CSGALNACT1: variants seen among roughly 807,000 people sequenced by gnomAD.
CSGALNACT1 encodes the protein chondroitin sulfate N-acetylgalactosaminyltransferase 1.
Under a neutral mutation model 51.0 loss-of-function variants are expected in CSGALNACT1, and 52 were observed. The observed-to-expected ratio is 1.02, with a 90% CI of 0.82 to 1.29. The LOEUF (loss-of-function observed/expected upper bound fraction) is 1.29, where lower values mean the gene tolerates loss of function less well. Ranked by LOEUF, CSGALNACT1 falls within the 50% of genes most tolerant of loss-of-function variation. The pLI is 0.00. For synonymous variants in CSGALNACT1, 341 were observed against 254.4 expected (o/e 1.34, Z -3.24); for missense variants, 935 against 679.2 (o/e 1.38, Z -4.19).
chr8:19,725,238 A>C (rs1241141323), intron 1 of CSGALNACT1, among the ~76,000 whole-genome samples: 1 of 152,066 alleles, frequency 6.6e-6, no homozygotes, highest in African/African-American at 2.4e-5. Context: ...AGTGCAGCCC[A>C]CCCTCCATTC....
intron 1 of CSGALNACT1, among the ~76,000 whole-genome samples, chr8:19,727,597 C>T (rs954525389): frequency 4.6e-5 from 7 of 152,194 alleles, no homozygotes; most frequent in African/African-American, 7.2e-5. Context: ...GCGATCCAAC[C>T]GCCTCAACCT....
intron 3 of CSGALNACT1, among the ~76,000 whole-genome samples, chr8:19,562,370 G>A (rs539913513): frequency 6.3e-4 from 96 of 151,920 alleles, no homozygotes; most frequent in Non-Finnish European, 1.0e-3. Context: ...TTTTTGCTAG[G>A]CAATACCATT....
chr8:19,653,788 A>G (rs1589285499), intron 1 of CSGALNACT1, among the ~76,000 whole-genome samples: 1 of 122,292 alleles, frequency 8.2e-6, no homozygotes, highest in Non-Finnish European at 1.9e-5. Context: ...AATGAATGAT[A>G]CCTTGTCTTA....
intron 3 of CSGALNACT1, among the ~76,000 whole-genome samples, chr8:19,574,770 A>G (rs961686927): frequency 1.3e-5 from 2 of 152,020 alleles, no homozygotes; most frequent in Non-Finnish European, 2.9e-5. Context: ...GGTGGCTCAC[A>G]CCTGTAATCC....
chr8:19,552,109 A>G (rs1326364459), intron 3 of CSGALNACT1, among the ~76,000 whole-genome samples: 2 of 152,228 alleles, frequency 1.3e-5, no homozygotes, highest in Non-Finnish European at 2.9e-5. Context: ...TAATTAGAGG[A>G]TTTGGAAACT....
chr8:19,473,699 G>A (rs1344270174), intron 4 of CSGALNACT1, among the ~76,000 whole-genome samples: 3 of 152,118 alleles, frequency 2.0e-5, no homozygotes, highest in Non-Finnish European at 4.4e-5. Flanking sequence ...TAGAAGCATT[G>A]GTTTTGTTGG....
At chr8:19,683,036 C>T (rs913435877), upstream of CSGALNACT1, 6 of 249,630 alleles carry the variant, frequency 2.4e-5, no homozygotes, top group African/African-American at 6.6e-5. Context: ...CCCTGGAGAC[C>T]GTGATTTGCC....
At chr8:19,657,136 T>G (rs1481224773) in intron 1 of CSGALNACT1, among the ~76,000 whole-genome samples, 1 of 151,796 alleles carries the variant, frequency 6.6e-6, no homozygotes, top group Non-Finnish European at 1.5e-5. Flanking sequence ...AAGAATTTTT[T>G]TATTACTAAA....
At chr8:19,736,990 GA>G (rs536788279) in intron 1 of CSGALNACT1, among the ~76,000 whole-genome samples, 296 of 151,944 alleles carry the variant, frequency 1.9e-3, no homozygotes, top group African/African-American at 6.8e-3. Flanking sequence ...GTAGAGATAG[GA>G]AAAACAAAGA....
At chr8:19,559,773 A>T (rs2040292431) in intron 3 of CSGALNACT1, among the ~76,000 whole-genome samples, 1 of 152,204 alleles carries the variant, frequency 6.6e-6, no homozygotes. Context: ...AAAACAATAA[A>T]ACTTCAGTAG....
intron 6 of CSGALNACT1, among the ~76,000 whole-genome samples, chr8:19,438,252 C>G (rs1013341727): frequency 6.6e-6 from 1 of 152,180 alleles, no homozygotes; most frequent in Non-Finnish European, 1.5e-5. Context: ...GGACTACCAC[C>G]TTCTGATACA....
chr8:19,684,192 A>G (rs191904701), upstream of CSGALNACT1, among the ~76,000 whole-genome samples: 3 of 152,262 alleles, frequency 2.0e-5, no homozygotes, highest in African/African-American at 4.8e-5. Flanking sequence ...ATAAAGCTCA[A>G]TGATTCAGTA....
intron 1 of CSGALNACT1, among the ~76,000 whole-genome samples, chr8:19,692,116 C>G (rs1463815346): frequency 6.6e-6 from 1 of 152,140 alleles, no homozygotes; most frequent in Non-Finnish European, 1.5e-5. Context: ...AACTCACTCA[C>G]TATCACGAGA....
chr8:19,573,253 C>T (rs1648152450), intron 3 of CSGALNACT1, among the ~76,000 whole-genome samples: 1 of 152,198 alleles, frequency 6.6e-6, no homozygotes, highest in African/African-American at 2.4e-5. Flanking sequence ...ACTGTCATAG[C>T]AACCAGAATG....
rs112907681 is a variant in CSGALNACT1 at position 19,575,927 on chromosome 8, ACTT to A, written c.-297+15230_-297+15232del. 7.4e-3 allele frequency among the ~76,000 whole-genome samples: 1,124 copies of A among 152,226 alleles called. 37 individuals are homozygous for A. The highest frequency in any genetic ancestry group is 0.067 in the Admixed American group (1,018 of 15,282). On this transcript the variant is annotated intron_variant, in intron 3 of 9. Transcript: ENST00000454498. ...TTTGAGATATTTTAATAATAAAAAG[ACTT>A]CTTCTTTAAAAAAGGTACACATTTC...
exon 7 of CSGALNACT1, chr8:19,420,506 G>A (rs1258405440): frequency 5.0e-6 from 8 of 1,614,010 alleles, no homozygotes; most frequent in Non-Finnish European, 5.9e-6. Context: ...TAAAGTTCCT[G>A]AAGTTGGCAG....
At chr8:19,667,987 G>C (rs1447492378) in intron 1 of CSGALNACT1, among the ~76,000 whole-genome samples, 1 of 152,102 alleles carries the variant, frequency 6.6e-6, no homozygotes, top group East Asian at 1.9e-4. Flanking sequence ...TGAACTGAAG[G>C]AAACCTAACC....
intron 2 of CSGALNACT1, among the ~76,000 whole-genome samples, chr8:19,593,569 C>T (rs1367646596): frequency 1.3e-5 from 2 of 152,128 alleles, no homozygotes; most frequent in Non-Finnish European, 2.9e-5. Context: ...GCTGGGAAGC[C>T]CCAGCTCCCA....
intron 5 of CSGALNACT1, chr8:19,457,467 G>A (rs1431127334): frequency 2.7e-6 from 1 of 371,354 alleles, no homozygotes; most frequent in Non-Finnish European, 5.2e-6. Context: ...GCAAAAATTA[G>A]CCGGGCATGG....
Sources: allele counts gnomAD v4.1 joint callset (sites outside exome capture counted in the v4.1 genomes callset), GRCh38; gene constraint gnomAD v4.1.1; transcripts MANE v1.5; gene names NCBI Gene and HGNC (gene_info 2026-07-23, HGNC 2026-07-21).